The following TMEM143 variants were observed in gnomAD, a reference collection of about 807,000 sequenced individuals.
The protein encoded by TMEM143 is transmembrane protein 143.
In TMEM143, 45 loss-of-function variants were observed where a neutral mutation model predicts 40.3. That is an observed-to-expected ratio of 1.12 (90% CI 0.88 to 1.43). The LOEUF (loss-of-function observed/expected upper bound fraction) is 1.43, where lower values mean the gene tolerates loss of function less well. Among genes scored for constraint, TMEM143 ranks in the 40% most tolerant of loss-of-function variants. TMEM143 has a pLI of 0.00. For synonymous variants in TMEM143, 299 were observed against 282.7 expected, an observed-to-expected ratio of 1.06 and a Z score of -0.58; for missense variants, 620 against 613.4, an observed-to-expected ratio of 1.01 and a Z score of -0.11.
chr19:48,350,842 T>C (rs1969752219), intron 3 of TMEM143, among the ~76,000 whole-genome samples: 1 of 146,792 alleles, frequency 6.8e-6, no homozygotes, highest in Non-Finnish European at 1.5e-5. Flanking sequence ...GAATTGCTTG[T>C]ACTCAGGAGG....
chr19:48,353,909 A>G (rs1318518350), intron 3 of TMEM143, among the ~76,000 whole-genome samples: 2 of 151,900 alleles, frequency 1.3e-5, no homozygotes, highest in African/African-American at 2.4e-5. Flanking sequence ...GAGAGACACC[A>G]TAGATGCTTC....
intron 3 of TMEM143, among the ~76,000 whole-genome samples, chr19:48,356,405 C>T (rs1969894744): frequency 6.8e-6 from 1 of 146,952 alleles, no homozygotes; most frequent in Non-Finnish European, 1.5e-5. Context: ...GGATTACAGG[C>T]GTGAGTCACC....
intron 3 of TMEM143, among the ~76,000 whole-genome samples, chr19:48,356,786 G>A (rs1411939650): frequency 5.3e-5 from 8 of 150,888 alleles, no homozygotes; most frequent in Non-Finnish European, 7.4e-5. Flanking sequence ...TAGTAGAGAC[G>A]GGGTTTCTCC....
At position 48,338,411 on chromosome 19, in the gene TMEM143, G is replaced by A. The variant is rs567442052; in HGVS notation, c.975+4119C>T. ...GTCCAAGCTCCGTGGCCCGGCACACGAGGCCCTCCCTGTCACCTCCTGCTC... is the reference window on the plus strand; with the variant it reads ...GTCCAAGCTCCGTGGCCCGGCACACAAGGCCCTCCCTGTCACCTCCTGCTC... On this transcript the variant is annotated intron_variant, in intron 6 of 7. Transcript: ENST00000293261. 9.9e-5 allele frequency among the ~76,000 whole-genome samples: 15 copies of A among 152,252 alleles called. No homozygotes were observed. The South Asian group carries it at 2.3e-3, about 23-fold the overall frequency.
intron 3 of TMEM143, among the ~76,000 whole-genome samples, chr19:48,350,720 G>A (rs914988682): frequency 2.6e-5 from 4 of 151,898 alleles, no homozygotes; most frequent in African/African-American, 4.8e-5. Context: ...TCAAGAGTTC[G>A]AGACCAGCCT....
At chr19:48,348,558 C>A (rs1326913977) in intron 3 of TMEM143, among the ~76,000 whole-genome samples, 1 of 152,316 alleles carries the variant, frequency 6.6e-6, no homozygotes, top group East Asian at 1.9e-4. Flanking sequence ...TAACAACAAT[C>A]ATCATCAATG....
chr19:48,349,722 G>C (rs970530235), intron 3 of TMEM143, among the ~76,000 whole-genome samples: 4 of 151,652 alleles, frequency 2.6e-5, no homozygotes, highest in Non-Finnish European at 2.9e-5. Context: ...GTGTGGTTGG[G>C]CAGGATGTAC....
rs543994814 is a variant in TMEM143 at position 48,342,447 on chromosome 19, G to C, written c.975+83C>G. ...GAGGAGAGCATGACGCAGGAACAATGCATGAAACAGAGACAACTACAGGGG... is the reference window on the plus strand; with the variant it reads ...GAGGAGAGCATGACGCAGGAACAATCCATGAAACAGAGACAACTACAGGGG... On this transcript the variant is annotated intron_variant, in intron 6 of 7. Transcript: ENST00000293261. 1.6e-5 allele frequency: 23 copies of C among 1,467,784 alleles called. No individual in the cohort carries two copies. In the African/African-American group the frequency reaches 2.4e-4, roughly 15 times the overall value. 90.9% of individuals were successfully genotyped at this position (1,467,784 alleles called of 1,614,324 possible).
At position 48,342,701 on chromosome 19, in the gene TMEM143, C is replaced by T. The variant is rs777683304; in HGVS notation, c.804G>A (p.Glu268=). The T allele has an allele frequency of 3.7e-6, 6 of 1,614,056 alleles. No individual in the cohort carries two copies. In the East Asian group the frequency reaches 6.7e-5, roughly 18 times the overall value. Residue 268 remains glutamate (E), a synonymous_variant, in exon 6 of 8, where the codon GAG becomes GAA. Coordinates refer to ENST00000293261, the MANE Select transcript of TMEM143 (RefSeq NM_018273.4). ...GCAGGGTGGGCGTGCGCACCTTCAG[C>T]TCCGGCAGCAGCTGCTCCAGGCCTT... The part of the protein sequence containing the change: ...PLEGLEQLLP[E]LKVRTPTLQR...
rs765474855 is a variant in TMEM143, at chr19:48,333,298, G to A, written c.1301C>T (p.Pro434Leu). ...LTPSMGLYPPPGFPKLDPVAP... is the reference protein window; with the variant it reads ...LTPSMGLYPPLGFPKLDPVAP... ...CACTGGGTCTAGTTTGGGGAAACCC[G>A]GGGGTGGGTACAATCCCATGCTGGG... is the stretch of plus-strand genomic sequence containing the variant. Residue 434 changes from proline to leucine, a missense_variant, in exon 8 of 8, where the codon CCG becomes CTG. Physicochemically the swap from Pro to Leu is moderately conservative, Grantham distance 98. Coordinates refer to ENST00000293261, the MANE Select transcript of TMEM143 (RefSeq NM_018273.4). The surrounding 1 kb of genome is among the most constrained non-coding windows in gnomAD (Gnocchi z 4.1). 7.0e-6 allele frequency: 11 copies of A among 1,580,884 alleles called. No homozygotes were observed. Among genetic ancestry groups the A allele is most frequent in the South Asian group, 1.1e-5 (1 of 88,460 alleles).
At position 48,353,288 on chromosome 19, in the gene TMEM143, T is replaced by C. The variant is rs551962564; in HGVS notation, c.369+6784A>G. Among the ~76,000 whole-genome samples, 12 of 151,880 alleles carry C rather than the reference T, an allele frequency of 7.9e-5. No individual in the cohort carries two copies. The East Asian group carries it at 2.3e-3, about 29-fold the overall frequency. The stretch of plus-strand genomic sequence containing the variant: ...TCTGCCTCCTGGGTGCAAGCGATTC[T>C]CCTGCCTCAGCCTCCACAGTAGCTG... On this transcript the variant is annotated intron_variant, in intron 3 of 7. Transcript: ENST00000293261.
chr19:48,348,893 T>G (rs1600912313), intron 3 of TMEM143, among the ~76,000 whole-genome samples: 1 of 152,286 alleles, frequency 6.6e-6, no homozygotes, highest in East Asian at 1.9e-4. Context: ...GTCTTTAGGT[T>G]GGCTGGGCGC....
intron 1 of TMEM143, 130 bp downstream of exon 1, chr19:48,363,768 G>C: frequency 6.7e-7 from 1 of 1,502,220 alleles, no homozygotes; most frequent in East Asian, 2.3e-5. Context: ...AGACCCTGTA[G>C]TGGTACAACG....
chr19:48,360,150 C>T lies in TMEM143; in HGVS notation c.291G>A (p.Lys97=), dbSNP rs540448465. 17 of 1,614,128 alleles carry T rather than the reference C, an allele frequency of 1.1e-5. No homozygotes were observed. The East Asian group carries it at 3.6e-4, about 34-fold the overall frequency. The change falls in exon 3 of 8, where the codon AAG becomes AAA. Residue 97 remains lysine, a synonymous_variant. Transcript: ENST00000293261. ...GGGCCGAGAACGCCTCCAAAGCCGC[C>T]TTCTCTGCCGGACTCGAGTGGAATT... The part of the protein sequence containing the change: ...IQEFHSSPAE[K]AALEAFSAHV...
intron 4 of TMEM143, 146 bp from the exon 5 acceptor site, chr19:48,343,597 T>C (rs978951215): frequency 2.2e-5 from 24 of 1,072,916 alleles, no homozygotes; most frequent in Non-Finnish European, 3.0e-5. Flanking sequence ...CTGTCACATA[T>C]GGTTGTCCAT....
chr19:48,347,161 G>T (rs1486883474), intron 3 of TMEM143, among the ~76,000 whole-genome samples: 1 of 152,150 alleles, frequency 6.6e-6, no homozygotes, highest in Non-Finnish European at 1.5e-5. Context: ...GTCTCAGGAT[G>T]ACATATAACT....
chr19:48,343,564 C>T (rs1969559906), intron 4 of TMEM143, 113 bp from the exon 5 acceptor site: 2 of 1,371,792 alleles, frequency 1.5e-6, no homozygotes, highest in Non-Finnish European at 2.0e-6. Flanking sequence ...TCCCACTTAT[C>T]CCCATTCACC....
chr19:48,337,876 G>A (rs1475853961), intron 6 of TMEM143, among the ~76,000 whole-genome samples: 1 of 152,148 alleles, frequency 6.6e-6, no homozygotes, highest in African/African-American at 2.4e-5. Context: ...CATGCGTTAG[G>A]GACCGTGTGG....
At chr19:48,355,707 G>A (rs917825079) in intron 3 of TMEM143, among the ~76,000 whole-genome samples, 1 of 152,198 alleles carries the variant, frequency 6.6e-6, no homozygotes, top group Non-Finnish European at 1.5e-5. Context: ...TCCAAACCCC[G>A]CACATTCCAA....
Sources: allele counts gnomAD v4.1 joint callset (sites outside exome capture counted in the v4.1 genomes callset), GRCh38; gene constraint gnomAD v4.1.1; non-coding constraint Gnocchi (gnomAD v3.1); transcripts MANE v1.5; gene names NCBI Gene and HGNC (gene_info 2026-07-23, HGNC 2026-07-21).